MED13: variants seen among roughly 807,000 people sequenced by gnomAD.
MED13 encodes the protein mediator of RNA polymerase II transcription subunit 13.
Under a neutral mutation model 225.2 loss-of-function variants are expected in MED13, and 23 were observed. The ratio of observed to expected loss-of-function variants is 0.10; its 90% CI spans 0.07 to 0.14. MED13 has a LOEUF of 0.14. Among genes scored for constraint, MED13 ranks in the 10% least tolerant of loss-of-function variants. The pLI is 1.00. For missense variants in MED13, 2,197 were observed against 2,594.5 expected, an observed-to-expected ratio of 0.85 and a Z score of 3.33; for synonymous variants, 942 against 889.2, an observed-to-expected ratio of 1.06 and a Z score of -1.06.
intron 8 of MED13, among the ~76,000 whole-genome samples, chr17:62,012,927 G>C (rs955708069): frequency 6.6e-6 from 1 of 151,886 alleles, no homozygotes; most frequent in African/African-American, 2.4e-5. Flanking sequence ...CAAGTAGCTG[G>C]AACTACAGGC....
rs73334688 is a variant in MED13 at position 61,991,055 on chromosome 17, C to A, written c.2263+1485G>T. 6.4e-3 allele frequency among the ~76,000 whole-genome samples: 968 copies of A among 152,252 alleles called. 10 individuals carry two copies. Among genetic ancestry groups the A allele is most frequent in the African/African-American group, 0.022 (914 of 41,544 alleles). On this transcript the variant is annotated intron_variant, in intron 11 of 29. Coordinates refer to ENST00000397786, the MANE Select transcript of MED13 (RefSeq NM_005121.3). ...GTGAAAACTTTAAAACATTTTACTC[C>A]TATTTATTCTATGTCACAACACAAT...
chr17:61,968,164 A>G lies in MED13; in HGVS notation c.4062T>C (p.Tyr1354=), dbSNP rs2080075391. The change falls in exon 18 of 30, where the codon TAT becomes TAC. Residue 1354 remains tyrosine, a synonymous_variant. Transcript: ENST00000397786. ...YLVLSPFALP[Y]WERLMLEPYG... ...AGGGTTCCAGCATAAGTCTCTCCCA[A>G]TAAGGAAGAGCAAATGGAGAAAGCA... is the stretch of plus-strand genomic sequence containing the variant. 2 of 1,613,802 alleles carry G rather than the reference A, an allele frequency of 1.2e-6. No individual in the cohort carries two copies. Among genetic ancestry groups the G allele is most frequent in the African/African-American group, 1.3e-5 (1 of 75,048 alleles).
chr17:62,028,985 CT>C (rs2080728820), intron 8 of MED13, among the ~76,000 whole-genome samples: 1 of 152,060 alleles, frequency 6.6e-6, no homozygotes, highest in Non-Finnish European at 1.5e-5. Context: ...CCAAGATCCC[CT>C]CTCTACGAAT....
At chr17:62,023,975 A>C (rs1383999967) in intron 8 of MED13, among the ~76,000 whole-genome samples, 3 of 152,220 alleles carry the variant, frequency 2.0e-5, no homozygotes, top group African/African-American at 4.8e-5. Context: ...TAGCATATTA[A>C]ATCTCTATAT....
chr17:62,014,803 C>T (rs997897415), intron 8 of MED13, among the ~76,000 whole-genome samples: 1 of 152,104 alleles, frequency 6.6e-6, no homozygotes, highest in Non-Finnish European at 1.5e-5. Flanking sequence ...AACCACTGTA[C>T]CCAGCTGAGG....
intron 15 of MED13, 139 bp from the exon 16 acceptor site, chr17:61,983,253 A>G (rs974274805): frequency 5.8e-6 from 4 of 687,214 alleles, no homozygotes; most frequent in South Asian, 2.3e-5. Context: ...AAGAATTACA[A>G]GCACAGTCAA....
intron 8 of MED13, among the ~76,000 whole-genome samples, chr17:62,020,450 C>A (rs1473799094): frequency 6.6e-6 from 1 of 152,030 alleles, no homozygotes. Context: ...GATCTCGGCT[C>A]ACTGCAACCT....
chr17:61,972,239 A>G (rs1288534079), intron 17 of MED13, among the ~76,000 whole-genome samples: 1 of 152,186 alleles, frequency 6.6e-6, no homozygotes, highest in South Asian at 2.1e-4. Context: ...ATCACAGCTG[A>G]CAATAAATCT....
chr17:62,053,961 AAATGAT>A (rs1442720800), intron 2 of MED13, among the ~76,000 whole-genome samples: 1 of 152,228 alleles, frequency 6.6e-6, no homozygotes, highest in Non-Finnish European at 1.5e-5. Context: ...ATTTTCTCCT[AAATGAT>A]AGTCAAGTCT....
At position 61,966,620 on chromosome 17, in the gene MED13, G is replaced by A. The variant is rs1206457960; in HGVS notation, c.4223C>T (p.Ser1408Phe). Residue 1408 changes from serine to phenylalanine, a missense_variant, in exon 19 of 30, where the codon TCT becomes TTT. Coordinates refer to ENST00000397786, the MANE Select transcript of MED13 (RefSeq NM_005121.3). ...CATGATCCCATCTGTTAACAGTCGA[G>A]AAACAGGTCTATGTTGACCTAATCG... ...SCRLGQHRPV[S>F]RLLTDGIMRV... 6.2e-7 allele frequency: 1 copy of A among 1,612,836 alleles called. No homozygotes were observed. The highest frequency in any genetic ancestry group is 8.5e-7 in the Non-Finnish European group (1 of 1,179,608).
At chr17:62,040,650 A>C (rs2080845192) in intron 3 of MED13, among the ~76,000 whole-genome samples, 2 of 152,206 alleles carry the variant, frequency 1.3e-5, no homozygotes, top group African/African-American at 4.8e-5. Flanking sequence ...TTGTGTTAAA[A>C]TCATAATACT....
chr17:61,978,151 CTT>C (rs201754153), intron 16 of MED13, among the ~76,000 whole-genome samples: 2 of 144,884 alleles, frequency 1.4e-5, no homozygotes, highest in Admixed American at 6.9e-5. Context: ...CAAAAACTGC[CTT>C]TTTTTTTTTT....
chr17:61,984,549 C>T (rs1311501028), intron 14 of MED13, 102 bp downstream of exon 14: 1 of 1,120,988 alleles, frequency 8.9e-7, no homozygotes, highest in Non-Finnish European at 1.2e-6. Context: ...AACTTAGCTA[C>T]AAAACCGCAA....
Position 62,035,585 on chromosome 17 carries a change from G to A in MED13, c.494C>T (p.Thr165Ile). 1 of 1,613,468 alleles carries A rather than the reference G, an allele frequency of 6.2e-7. No homozygotes were observed. Among genetic ancestry groups the A allele is most frequent in the South Asian group, 1.1e-5 (1 of 90,904 alleles). Residue 165 changes from threonine to isoleucine, a missense_variant, in exon 4 of 30, where the codon ACC (threonine) becomes ATC (isoleucine). Thr to Ile is a moderately conservative substitution (Grantham distance 89, BLOSUM62 -1). Transcript: ENST00000397786. ...ATTGCTGTCTCCATGCAAGAAAAAG[G>A]TGAAGGAGCAGGACAAGTGTTCACT... ...NKSEHLSCSF[T>I]FFLHGDSNVC...
At chr17:62,044,863 T>C (rs970631042) in intron 3 of MED13, among the ~76,000 whole-genome samples, 9 of 152,338 alleles carry the variant, frequency 5.9e-5, no homozygotes, top group African/African-American at 1.7e-4. Context: ...GGTTTCACCA[T>C]GTTGGCCAGG....
At chr17:61,995,571 T>G (rs2143520656) in intron 9 of MED13, among the ~76,000 whole-genome samples, 1 of 152,276 alleles carries the variant, frequency 6.6e-6, no homozygotes, top group South Asian at 2.1e-4. Flanking sequence ...AAAATCCAAG[T>G]TTCCTAACTA....
At chr17:61,968,895 G>T (rs970765886) in intron 17 of MED13, among the ~76,000 whole-genome samples, 1 of 152,132 alleles carries the variant, frequency 6.6e-6, no homozygotes, top group East Asian at 1.9e-4. Flanking sequence ...GGGACTACAG[G>T]TGTGTGCCAC....
chr17:62,033,632 G>A (rs2080776819), intron 5 of MED13, among the ~76,000 whole-genome samples, 155 bp downstream of exon 5: 1 of 152,236 alleles, frequency 6.6e-6, no homozygotes, highest in Non-Finnish European at 1.5e-5. Flanking sequence ...AACCAGCTAA[G>A]ATGCAGCCCT....
chr17:61,971,659 C>G (rs1330411721), intron 17 of MED13, among the ~76,000 whole-genome samples: 2 of 152,138 alleles, frequency 1.3e-5, no homozygotes, highest in East Asian at 3.8e-4. Context: ...TCTGGCCGGG[C>G]ACAGTGGCTC....
Sources: gnomAD v4.1 joint callset for allele counts (sites outside exome capture counted in the v4.1 genomes callset) on GRCh38, gnomAD v4.1.1 for gene constraint, MANE v1.5 for transcripts, NCBI Gene and HGNC (gene_info 2026-07-23, HGNC 2026-07-21) for gene names.